PSTPIP1: variants seen among roughly 807,000 people sequenced by gnomAD.
PSTPIP1 encodes the protein proline-serine-threonine phosphatase-interacting protein 1.
A neutral mutation model predicts 69.6 loss-of-function variants in PSTPIP1; 66 were observed. The observed-to-expected ratio is 0.95, with a 90% CI of 0.78 to 1.16. The LOEUF (loss-of-function observed/expected upper bound fraction) is 1.16. PSTPIP1 is among the 50% of genes most tolerant of loss of function. PSTPIP1 has a pLI of 0.00. For missense variants in PSTPIP1, 603 were observed against 557.4 expected (o/e 1.08, Z -0.82); for synonymous variants, 266 against 222.7 (o/e 1.19, Z -1.73).
intron 3 of PSTPIP1, 86 bp from the exon 4 acceptor site, chr15:77,025,198 C>A: frequency 7.0e-7 from 1 of 1,436,166 alleles, no homozygotes; most frequent in Non-Finnish European, 9.8e-7. Context: ...AAGTCCTCCC[C>A]ACTGCCCACC....
intron 1 of PSTPIP1, among the ~76,000 whole-genome samples, chr15:77,003,475 G>A (rs2075753164): frequency 6.6e-6 from 1 of 152,146 alleles, no homozygotes; most frequent in African/African-American, 2.4e-5. Context: ...CCACCATGGT[G>A]AAACCCTGTC....
In PSTPIP1 at chr15:77,032,529, G is replaced by A. The variant is rs765142004; in HGVS notation, c.838+135G>A. The A allele has an allele frequency of 2.1e-5, 19 of 907,362 alleles. No individual in the cohort carries two copies. In the South Asian group the frequency reaches 2.9e-4, roughly 14 times the overall value. The allele number at this position is 907,362 out of a possible 1,614,324, so 56.2% of individuals were successfully genotyped here. A position where few individuals can be genotyped will look rare whatever the true frequency, so the allele number is the denominator to read the frequency against. On this transcript the variant is annotated intron_variant, in intron 11 of 14. Transcript: ENST00000558012. ...TTCAGGGCAGAGAAGCCCTAGCAGG[G>A]GTTGTGGGGAGTTGGGTCCCAGGCC...
At chr15:77,028,350 G>A in intron 6 of PSTPIP1, 1 of 541,832 alleles carries the variant, frequency 1.8e-6, no homozygotes, top group Non-Finnish European at 3.3e-6. Flanking sequence ...CAGTGGGGAG[G>A]GCCTGAGAGC....
At chr15:77,024,801 C>T (rs1435266336) in intron 3 of PSTPIP1, among the ~76,000 whole-genome samples, 2 of 150,608 alleles carry the variant, frequency 1.3e-5, no homozygotes, top group Non-Finnish European at 3.0e-5. Flanking sequence ...GCCCTGCTAG[C>T]CTCTCCCACG....
chr15:77,034,290 G>A (rs960294102), intron 12 of PSTPIP1, among the ~76,000 whole-genome samples: 8 of 152,124 alleles, frequency 5.3e-5, no homozygotes, highest in Non-Finnish European at 1.0e-4. Flanking sequence ...GCCCCTGCTG[G>A]CTTGCACCCT....
At chr15:77,034,482 C>T (rs2076506655) in intron 12 of PSTPIP1, among the ~76,000 whole-genome samples, 1 of 152,080 alleles carries the variant, frequency 6.6e-6, no homozygotes, top group Non-Finnish European at 1.5e-5. Flanking sequence ...CAGGGCTGCC[C>T]CCCACAGGCC....
intron 1 of PSTPIP1, among the ~76,000 whole-genome samples, chr15:77,002,245 C>G (rs1423116094): frequency 6.6e-6 from 1 of 152,198 alleles, no homozygotes; most frequent in African/African-American, 2.4e-5. Context: ...CAGGGACTCC[C>G]ACCTAGGTCT....
intron 1 of PSTPIP1, among the ~76,000 whole-genome samples, chr15:76,996,990 TATTTTATCACTGA>T (rs1435996347): frequency 6.6e-6 from 1 of 152,306 alleles, no homozygotes; most frequent in East Asian, 1.9e-4. Context: ...ACCCCTTGAC[TATTTTATCACTGA>T]GACCTCTGTC....
chr15:77,032,168 G>A (rs2076433212), intron 10 of PSTPIP1, 130 bp from the exon 11 acceptor site: 1 of 850,506 alleles, frequency 1.2e-6, no homozygotes. Context: ...GACCCCTCAG[G>A]ATCAAAGACC....
At chr15:77,000,666 A>G (rs1045927567) in intron 1 of PSTPIP1, among the ~76,000 whole-genome samples, 1 of 152,098 alleles carries the variant, frequency 6.6e-6, no homozygotes, top group Non-Finnish European at 1.5e-5. Flanking sequence ...CATAGGTGCA[A>G]GCATATTGTG....
intron 10 of PSTPIP1, 53 bp from the exon 11 acceptor site, chr15:77,032,245 A>G: frequency 1.9e-6 from 3 of 1,576,456 alleles, no homozygotes; most frequent in Non-Finnish European, 2.6e-6. Flanking sequence ...GTTCAGGCCC[A>G]CAGAGGGGCA....
At chr15:77,018,106 C>T (rs748271655) in intron 1 of PSTPIP1, 42 bp from the exon 2 acceptor site, 12 of 1,544,040 alleles carry the variant, frequency 7.8e-6, no homozygotes, top group Non-Finnish European at 9.6e-6. Context: ...CTCAGTGTCG[C>T]CTGGTCGTGG....
chr15:76,995,462 AG>A lies in PSTPIP1; in HGVS notation c.-106del. The A allele has an allele frequency of 2.5e-6, 4 of 1,579,484 alleles. No individual in the cohort carries two copies. The highest frequency in any genetic ancestry group is 3.4e-6 in the Non-Finnish European group (4 of 1,164,192). On this transcript the variant is annotated 5_prime_UTR_variant, in exon 1 of 15. Coordinates refer to ENST00000558012, the MANE Select transcript of PSTPIP1 (RefSeq NM_003978.5). ...GTGTTGCAGACGGCGCCGGCCGGGAAGGGGGGCCTGGGCCAGCCCTGCCAGG... is the reference window on the plus strand; with the variant it reads ...GTGTTGCAGACGGCGCCGGCCGGGAAGGGGGCCTGGGCCAGCCCTGCCAGG...
chr15:77,011,839 T>A (rs373872744), intron 1 of PSTPIP1, among the ~76,000 whole-genome samples: 1 of 152,062 alleles, frequency 6.6e-6, no homozygotes. Flanking sequence ...CCACCCTCTT[T>A]CCATACCTAC....
At position 76,995,521 on chromosome 15, in the gene PSTPIP1, A is replaced by G. The variant is rs759653276; in HGVS notation, c.-53A>G. ...CGCTGCTGCTGGCGCCTGGCCCTCCATCAGGCCAGCCTGTGGCAGGAGAGT... is the reference window on the plus strand; with the variant it reads ...CGCTGCTGCTGGCGCCTGGCCCTCCGTCAGGCCAGCCTGTGGCAGGAGAGT... On this transcript the variant is annotated 5_prime_UTR_variant, in exon 1 of 15. Transcript: ENST00000558012. The G allele has an allele frequency of 8.1e-6, 13 of 1,613,396 alleles. No individual in the cohort carries two copies. In the East Asian group the frequency reaches 2.0e-4, roughly 25 times the overall value.
At chr15:77,014,332 C>A (rs1419141853) in intron 1 of PSTPIP1, among the ~76,000 whole-genome samples, 1 of 152,134 alleles carries the variant, frequency 6.6e-6, no homozygotes, top group Admixed American at 6.5e-5. Flanking sequence ...CACCTCTAGG[C>A]GGTGAGAACT....
chr15:77,035,968 C>A, intron 14 of PSTPIP1, 33 bp downstream of exon 14: 1 of 1,556,900 alleles, frequency 6.4e-7, no homozygotes, highest in African/African-American at 1.4e-5. Context: ...CCACCTGTGC[C>A]ACCTCCCCTG....
intron 12 of PSTPIP1, among the ~76,000 whole-genome samples, chr15:77,033,594 G>T (rs933491192): frequency 2.6e-5 from 4 of 152,160 alleles, no homozygotes; most frequent in Admixed American, 2.6e-4. Context: ...ATCCACAAGG[G>T]TCTGTGGGTT....
At chr15:76,994,755 G>A (rs1474534906), upstream of PSTPIP1, 9 of 1,289,134 alleles carry the variant, frequency 7.0e-6, no homozygotes, top group Non-Finnish European at 9.1e-6. Context: ...CTTGAGGGCA[G>A]GACCTGGTTT....
Sources: gnomAD v4.1 joint callset for allele counts (sites outside exome capture counted in the v4.1 genomes callset) on GRCh38, gnomAD v4.1.1 for gene constraint, MANE v1.5 for transcripts, NCBI Gene and HGNC (gene_info 2026-07-23, HGNC 2026-07-21) for gene names.